The following RIMBP2 variants were observed in gnomAD, a reference collection of about 807,000 sequenced individuals.
The protein encoded by RIMBP2 is RIMS binding protein 2, also known as RIMS-binding protein 2.
Under a neutral mutation model 118.6 loss-of-function variants are expected in RIMBP2, and 48 were observed. The ratio of observed to expected loss-of-function variants is 0.40; its 90% CI spans 0.32 to 0.51. RIMBP2 has a LOEUF of 0.51. Among genes scored for constraint, RIMBP2 ranks in the 20% least tolerant of loss-of-function variants. The pLI, the probability that RIMBP2 is intolerant of heterozygous loss-of-function variation, is 0.41. For synonymous variants in RIMBP2, 762 were observed against 742.9 expected, an observed-to-expected ratio of 1.03 and a Z score of -0.42; for missense variants, 1,551 against 1,768.3, an observed-to-expected ratio of 0.88 and a Z score of 2.20.
In RIMBP2 at chr12:130,422,432, A is replaced by G; in HGVS notation, c.3238+21T>C. ...ATGCTCCGCGGCTGAAAGACACAAC[A>G]GCGATGATGGGGCCACTAACCGATG... On this transcript the variant is annotated intron_variant, in intron 17 of 22. Coordinates refer to ENST00000690449, the MANE Select transcript of RIMBP2 (RefSeq NM_001393629.1). The surrounding 1 kb of genome is among the most constrained non-coding windows in gnomAD (Gnocchi z 5.2). 6.5e-7 allele frequency: 1 copy of G among 1,546,104 alleles called. No individual in the cohort carries two copies. The highest frequency in any genetic ancestry group is 8.9e-7 in the Non-Finnish European group (1 of 1,121,020).
intron 1 of RIMBP2, among the ~76,000 whole-genome samples, chr12:130,702,586 A>AGGAAGGAAG (rs770230678): frequency 1.4e-5 from 2 of 144,198 alleles, no homozygotes; most frequent in African/African-American, 5.2e-5. Context: ...GAAGGAAGGA[A>AGGAAGGAAG]GAAGGGAGGG....
At position 130,508,407 on chromosome 12, in the gene RIMBP2, C is replaced by T. The variant is rs548260817; in HGVS notation, c.-126-1637G>A. Among the ~76,000 whole-genome samples, 20 of 152,018 alleles carry T rather than the reference C, an allele frequency of 1.3e-4. No individual in the cohort carries two copies. In the East Asian group the frequency reaches 3.7e-3, roughly 28 times the overall value. ...TACCCTGTTGCCACTATGCTGGGGA[C>T]ACCCTGGCCTCCTTCTGTCCCTTAA... On this transcript the variant is annotated intron_variant, in intron 3 of 22. Transcript: ENST00000690449.
rs940296558 is a variant in RIMBP2, at chr12:130,511,505, T to TC, written c.-126-4736dup. Among the ~76,000 whole-genome samples, 1 of 152,008 alleles carries TC rather than the reference T, an allele frequency of 6.6e-6. No individual in the cohort carries two copies. Among genetic ancestry groups the TC allele is most frequent in the South Asian group, 2.1e-4 (1 of 4,816 alleles). On this transcript the variant is annotated intron_variant, in intron 3 of 22. Coordinates refer to ENST00000690449, the MANE Select transcript of RIMBP2 (RefSeq NM_001393629.1). This position sits in a 1 kb window ranked among gnomAD's most constrained non-coding sequence, Gnocchi z 4.3. ...TGAGCTGGGTCCCACCCCTCCCTAT[T>TC]CCCCCAAGTCAAGGTTTGTCACTTC...
intron 2 of RIMBP2, among the ~76,000 whole-genome samples, chr12:130,613,425 C>T (rs1443642698): frequency 1.3e-5 from 2 of 152,160 alleles, no homozygotes; most frequent in Non-Finnish European, 2.9e-5. Context: ...GCCCAGCCCC[C>T]CACCCCGCAG....
chr12:130,609,901 C>T (rs1013918523), intron 2 of RIMBP2, among the ~76,000 whole-genome samples: 1 of 152,142 alleles, frequency 6.6e-6, no homozygotes, highest in Non-Finnish European at 1.5e-5. Flanking sequence ...CACCTCTCCC[C>T]TGCCTTTTTG....
rs114946863 is a variant in RIMBP2 at position 130,436,804 on chromosome 12, G to A, written c.2106+38C>T. ...CAGGGCCCCGTCCCGTGGGGTTTGG[G>A]GACTGAGGAGCCACCGAGGCGGGAG... On this transcript the variant is annotated intron_variant, in intron 13 of 22. Coordinates refer to ENST00000690449, the MANE Select transcript of RIMBP2 (RefSeq NM_001393629.1). 1,707 of 1,367,120 alleles carry A rather than the reference G, an allele frequency of 1.2e-3. 14 individuals are homozygous for A. In the African/African-American group the frequency reaches 0.023, roughly 18 times the overall value. The allele number at this position is 1,367,120 out of a possible 1,614,324, so 84.7% of individuals were successfully genotyped here.
At chr12:130,611,940 G>A (rs981673510) in intron 2 of RIMBP2, among the ~76,000 whole-genome samples, 1 of 152,224 alleles carries the variant, frequency 6.6e-6, no homozygotes, top group African/African-American at 2.4e-5. Context: ...CCAATTGGCT[G>A]CAGGATTGAT....
In RIMBP2 at chr12:130,576,124, G is replaced by A. The variant is rs538418214; in HGVS notation, c.-217+52198C>T. ...GGGGACCGTTAGGCAAAGGGGCTGC[G>A]GACAGGTGAGGGGGAGGAGGGGGCT... On this transcript the variant is annotated intron_variant, in intron 2 of 22. Coordinates refer to ENST00000690449, the MANE Select transcript of RIMBP2 (RefSeq NM_001393629.1). The surrounding 1 kb of genome is among the most constrained non-coding windows in gnomAD (Gnocchi z 4.2). 2.6e-3 allele frequency among the ~76,000 whole-genome samples: 396 copies of A among 152,142 alleles called. 2 individuals carry two copies. Among genetic ancestry groups the A allele is most frequent in the African/African-American group, 9.0e-3 (374 of 41,508 alleles).
chr12:130,687,429 G>A (rs2065107255), intron 1 of RIMBP2, among the ~76,000 whole-genome samples: 1 of 152,166 alleles, frequency 6.6e-6, no homozygotes, highest in African/African-American at 2.4e-5. Flanking sequence ...CAGCACATCT[G>A]GGTGGTGGTT....
At chr12:130,524,888 G>A (rs531939510) in intron 2 of RIMBP2, among the ~76,000 whole-genome samples, 1 of 152,332 alleles carries the variant, frequency 6.6e-6, no homozygotes, top group African/African-American at 2.4e-5. Context: ...TGCAGAGGCA[G>A]GGAGGAGGGA....
At chr12:130,691,994 A>G (rs2065330043) in intron 1 of RIMBP2, among the ~76,000 whole-genome samples, 1 of 152,178 alleles carries the variant, frequency 6.6e-6, no homozygotes, top group East Asian at 1.9e-4. Flanking sequence ...CGAGGGGTCT[A>G]AGGAAAACTG....
chr12:130,666,656 AG>A, intron 1 of RIMBP2, among the ~76,000 whole-genome samples: 2 of 140,136 alleles, frequency 1.4e-5, no homozygotes, highest in South Asian at 5.2e-4. Flanking sequence ...GAAGGGAGGG[AG>A]GGGAGGGATG....
intron 6 of RIMBP2, chr12:130,465,706 T>A (rs1490888465): frequency 6.6e-6 from 1 of 152,186 alleles, no homozygotes; most frequent in African/African-American, 2.4e-5. Flanking sequence ...CTCAAGAGCC[T>A]GGGGTAAAGC....
chr12:130,698,351 G>A (rs532975374), intron 1 of RIMBP2, among the ~76,000 whole-genome samples: 19 of 152,302 alleles, frequency 1.2e-4, no homozygotes, highest in African/African-American at 4.1e-4. Flanking sequence ...CGCTCCTAAT[G>A]TCCTGGTCTC....
At chr12:130,661,438 C>T (rs79188655) in intron 1 of RIMBP2, among the ~76,000 whole-genome samples, 2,010 of 152,234 alleles carry the variant, frequency 0.013, 20 homozygotes, top group South Asian at 0.021. Flanking sequence ...AGCATGTGAG[C>T]CATTGGCTGA....
At position 130,716,276 on chromosome 12, in the gene RIMBP2, G is replaced by T. The variant is rs1950319832; in HGVS notation, c.-406C>A. The stretch of plus-strand genomic sequence containing the variant: ...GAGGTTCACCTCGGAGACAACTGCA[G>T]TGTACTGTGTCAGATTACAAACTGG... On this transcript the variant is annotated 5_prime_UTR_variant, in exon 1 of 23. In the 5' UTR this introduces an upstream ATG that the reference lacks. Transcript: ENST00000690449. The T allele has an allele frequency of 6.7e-6, 1 of 148,922 alleles. No homozygotes were observed. Among genetic ancestry groups the T allele is most frequent in the Non-Finnish European group, 1.5e-5 (1 of 66,794 alleles). The allele number at this position is 148,922 out of a possible 1,614,324, so 9.2% of individuals were successfully genotyped here. A position where few individuals can be genotyped will look rare whatever the true frequency, so the allele number is the denominator to read the frequency against.
intron 3 of RIMBP2, among the ~76,000 whole-genome samples, chr12:130,508,442 G>A (rs527464056): frequency 4.6e-5 from 7 of 152,042 alleles, no homozygotes; most frequent in African/African-American, 1.7e-4. Context: ...AACAGGTCAA[G>A]CTTCTTCCCA....
chr12:130,557,595 G>A (rs1411419835), intron 2 of RIMBP2, among the ~76,000 whole-genome samples: 1 of 152,214 alleles, frequency 6.6e-6, no homozygotes, highest in Non-Finnish European at 1.5e-5. Flanking sequence ...TCTTGGCTGA[G>A]CTGTGCCCGA....
Position 130,446,031 on chromosome 12 carries a change from C to CCAT in RIMBP2, c.582-763_582-762insATG, listed in dbSNP as rs200441612. On this transcript the variant is annotated intron_variant, in intron 9 of 22. Coordinates refer to ENST00000690449, the MANE Select transcript of RIMBP2 (RefSeq NM_001393629.1). This position sits in a 1 kb window ranked among gnomAD's most constrained non-coding sequence, Gnocchi z 4.1. ...CATGATTTTATGCTCCCCCCCCCCA[C>CCAT]ACCCCCAGGAATATAAGAGTATCCA... is the stretch of plus-strand genomic sequence containing the variant. 0.086 allele frequency among the ~76,000 whole-genome samples: 11,212 copies of CCAT among 129,662 alleles called. 1,370 individuals carry two copies. The highest frequency in any genetic ancestry group is 0.29 in the African/African-American group (10,560 of 36,500). The allele number at this position is 129,662 out of a possible 152,430, so 85.1% of individuals were successfully genotyped here.
Sources: allele counts gnomAD v4.1 joint callset (sites outside exome capture counted in the v4.1 genomes callset), GRCh38; gene constraint gnomAD v4.1.1; non-coding constraint Gnocchi (gnomAD v3.1); transcripts MANE v1.5; gene names NCBI Gene and HGNC (gene_info 2026-07-23, HGNC 2026-07-21).